NRF1: variants seen among roughly 807,000 people sequenced by gnomAD.
NRF1 encodes alpha palindromic-binding protein.
Under a neutral mutation model 58.5 loss-of-function variants are expected in NRF1, and 5 were observed. The ratio of observed to expected loss-of-function variants is 0.09; its 90% confidence interval spans 0.04 to 0.18. The LOEUF (loss-of-function observed/expected upper bound fraction) is 0.18. Ranked by LOEUF, NRF1 falls within the 10% of genes least tolerant of loss-of-function variation. The probability of loss-of-function intolerance (pLI) is 1.00; values close to 1 mark genes in which losing one functional copy is unlikely to be tolerated. For synonymous variants in NRF1, 224 were observed against 246.7 expected (o/e 0.91, Z 0.86); for missense variants, 288 against 657.7 (o/e 0.44, Z 6.15).
At chr7:129,735,081 C>G (rs932910519) in intron 10 of NRF1, 3 of 985,438 alleles carry the variant, frequency 3.0e-6, no homozygotes, top group Non-Finnish European at 3.6e-6. Flanking sequence ...GCCTACAGCC[C>G]TTGCTTGGGG....
chr7:129,703,262 A>AT (rs1802875836), intron 5 of NRF1, among the ~76,000 whole-genome samples: 1 of 152,178 alleles, frequency 6.6e-6, no homozygotes, highest in Non-Finnish European at 1.5e-5. Context: ...CTAAATCAGA[A>AT]TGAGAGTCCA....
At chr7:129,653,354 A>G (rs1801579691) in intron 1 of NRF1, among the ~76,000 whole-genome samples, 1 of 152,148 alleles carries the variant, frequency 6.6e-6, no homozygotes, top group African/African-American at 2.4e-5. Context: ...ATTCCCATAT[A>G]CTTCTCTTCC....
At chr7:129,727,776 G>A (rs1055169716) in intron 10 of NRF1, among the ~76,000 whole-genome samples, 1 of 152,160 alleles carries the variant, frequency 6.6e-6, no homozygotes, top group Admixed American at 6.5e-5. Flanking sequence ...CATCAAGAAA[G>A]GCGCCAATGT....
intron 8 of NRF1, among the ~76,000 whole-genome samples, chr7:129,714,716 G>A (rs1803148581): frequency 2.6e-5 from 4 of 152,206 alleles, no homozygotes; most frequent in African/African-American, 7.2e-5. Context: ...GGGCAAACAC[G>A]AAGGTAACTC....
In NRF1 at chr7:129,739,102, G is replaced by T. The variant is rs550335096; in HGVS notation, c.1348+11737G>T. ...TCTTAGCAGAGGCAAATAAAAACAT[G>T]ATACCAAAACCTAACATCTAAATCT... On this transcript the variant is annotated intron_variant, in intron 10 of 10. Transcript: ENST00000393232. Among the ~76,000 whole-genome samples the T allele has an allele frequency of 6.6e-5, 10 of 152,296 alleles. No individual in the cohort carries two copies. The South Asian group carries it at 1.9e-3, about 28-fold the overall frequency.
intron 1 of NRF1, among the ~76,000 whole-genome samples, chr7:129,654,626 A>C (rs996017164): frequency 2.0e-5 from 3 of 152,128 alleles, no homozygotes; most frequent in South Asian, 2.1e-4. Flanking sequence ...TCCATTTTGT[A>C]TCAGTTTTTG....
At chr7:129,719,711 C>T (rs1158707907) in intron 9 of NRF1, among the ~76,000 whole-genome samples, 2 of 152,128 alleles carry the variant, frequency 1.3e-5, no homozygotes, top group Non-Finnish European at 2.9e-5. Flanking sequence ...TGGTTCCTTA[C>T]ACTTGGCTCA....
intron 1 of NRF1, among the ~76,000 whole-genome samples, chr7:129,642,912 T>C (rs1427139904): frequency 6.6e-6 from 1 of 151,806 alleles, no homozygotes; most frequent in African/African-American, 2.4e-5. Context: ...AGGCATGCAC[T>C]ACCACACGCA....
intron 6 of NRF1, among the ~76,000 whole-genome samples, 160 bp from the exon 7 acceptor site, chr7:129,710,214 T>C (rs1051319397): frequency 2.6e-5 from 4 of 152,198 alleles, no homozygotes; most frequent in Admixed American, 1.3e-4. Flanking sequence ...ACACAGCTTC[T>C]TTCTACCAGA....
At chr7:129,689,099 C>T (rs1045519642) in intron 4 of NRF1, among the ~76,000 whole-genome samples, 6 of 152,162 alleles carry the variant, frequency 3.9e-5, no homozygotes, top group African/African-American at 1.4e-4. Context: ...GACCAGGATA[C>T]AACTGAATCT....
At chr7:129,622,010 C>T (rs367616771) in intron 1 of NRF1, among the ~76,000 whole-genome samples, 1 of 151,804 alleles carries the variant, frequency 6.6e-6, no homozygotes, top group Non-Finnish European at 1.5e-5. Context: ...CTAGAACTCA[C>T]GACCTTGTAA....
At chr7:129,641,245 T>C (rs1801281542) in intron 1 of NRF1, among the ~76,000 whole-genome samples, 1 of 152,262 alleles carries the variant, frequency 6.6e-6, no homozygotes, top group Non-Finnish European at 1.5e-5. Flanking sequence ...AACTCACTTT[T>C]TTACCCCTGT....
chr7:129,679,089 G>T (rs2151087061), intron 4 of NRF1, among the ~76,000 whole-genome samples: 1 of 152,210 alleles, frequency 6.6e-6, no homozygotes, highest in Admixed American at 6.5e-5. Context: ...AGAAAACAAG[G>T]AAGAAATGTT....
At chr7:129,651,952 A>T (rs547200449) in intron 1 of NRF1, among the ~76,000 whole-genome samples, 1 of 152,364 alleles carries the variant, frequency 6.6e-6, no homozygotes, top group Admixed American at 6.5e-5. Context: ...AATAGTACAA[A>T]GAATTCTCAT....
chr7:129,666,172 C>T (rs1031433575), intron 2 of NRF1, among the ~76,000 whole-genome samples: 1 of 152,188 alleles, frequency 6.6e-6, no homozygotes, highest in African/African-American at 2.4e-5. Context: ...ACTGCTTTCA[C>T]ATGTTTGCAT....
intron 10 of NRF1, among the ~76,000 whole-genome samples, chr7:129,731,819 C>G (rs1796776085): frequency 6.6e-6 from 1 of 152,014 alleles, no homozygotes; most frequent in Non-Finnish European, 1.5e-5. Flanking sequence ...CCTTTGTTGC[C>G]CAGGCTGGTC....
chr7:129,618,343 G>C (rs766907608), intron 1 of NRF1, among the ~76,000 whole-genome samples: 2 of 152,190 alleles, frequency 1.3e-5, no homozygotes, highest in African/African-American at 2.4e-5. Flanking sequence ...TTGGGCTGGA[G>C]CTCAAGGGGA....
chr7:129,657,314 T>A, intron 1 of NRF1, 32 bp from the exon 2 acceptor site: 4 of 1,455,168 alleles, frequency 2.7e-6, no homozygotes, highest in Non-Finnish European at 2.9e-6. Context: ...ACACACTGAA[T>A]CCTGTTCTTT....
At chr7:129,708,087 G>A (rs992631275) in intron 5 of NRF1, among the ~76,000 whole-genome samples, 1 of 152,050 alleles carries the variant, frequency 6.6e-6, no homozygotes, top group African/African-American at 2.4e-5. Context: ...CCTCTTTTTG[G>A]TTTTCAGCTG....
Sources: gnomAD v4.1 joint callset for allele counts (sites outside exome capture counted in the v4.1 genomes callset) on GRCh38, gnomAD v4.1.1 for gene constraint, MANE v1.5 for transcripts, NCBI Gene and HGNC (gene_info 2026-07-23, HGNC 2026-07-21) for gene names.